NUB1: variants seen among roughly 807,000 people sequenced by gnomAD.
NUB1 encodes the protein NEDD8 ultimate buster 1.
A neutral mutation model predicts 77.1 loss-of-function variants in NUB1; 41 were observed. That is an observed-to-expected ratio of 0.53 (90% confidence interval 0.41 to 0.69). The LOEUF (loss-of-function observed/expected upper bound fraction) is 0.69. Ranked by LOEUF, NUB1 falls within the 30% of genes least tolerant of loss-of-function variation. NUB1 has a pLI of 0.00. For missense variants in NUB1, 643 were observed against 743.8 expected (o/e 0.86, Z 1.58); for synonymous variants, 257 against 281.0 (o/e 0.91, Z 0.85).
At chr7:151,356,981 T>A (rs1023305756) in intron 7 of NUB1, among the ~76,000 whole-genome samples, 1 of 152,140 alleles carries the variant, frequency 6.6e-6, no homozygotes, top group Non-Finnish European at 1.5e-5. Flanking sequence ...CCTCCCAAAC[T>A]GCTGGGATTA....
intron 8 of NUB1, among the ~76,000 whole-genome samples, chr7:151,365,906 A>G (rs764729614): frequency 9.9e-5 from 15 of 150,762 alleles, no homozygotes; most frequent in South Asian, 2.1e-4. Flanking sequence ...TTTTTATTCC[A>G]TGCATATTTT....
At chr7:151,352,245 A>G in intron 4 of NUB1, 1 of 448,774 alleles carries the variant, frequency 2.2e-6, no homozygotes, top group South Asian at 1.6e-5. Flanking sequence ...GTTCACATGG[A>G]TCTACAGCAC....
chr7:151,376,898 A>C, intron 14 of NUB1, 87 bp downstream of exon 14: 1 of 1,466,200 alleles, frequency 6.8e-7, no homozygotes, highest in Non-Finnish European at 9.1e-7. Flanking sequence ...GCAGATGTGG[A>C]GACTGAGGGG....
At chr7:151,374,846 C>T (rs1798135321) in intron 12 of NUB1, among the ~76,000 whole-genome samples, 2 of 152,140 alleles carry the variant, frequency 1.3e-5, no homozygotes, top group Admixed American at 6.5e-5. Context: ...CTCTCGGCCC[C>T]GCAGGTCAGT....
chr7:151,377,288 GC>G lies in NUB1; in HGVS notation c.*64del. The G allele has an allele frequency of 1.7e-6, 2 of 1,150,678 alleles. No individual in the cohort carries two copies. The highest frequency in any genetic ancestry group is 3.4e-5 in the South Asian group (2 of 58,974). 71.3% of individuals were successfully genotyped at this position (1,150,678 alleles called of 1,614,324 possible). ...ATGCTATCATTATGAAAAGGCTAAT[GC>G]AGCTCTTTCTGTTCTTACTTTTTAT... On this transcript the variant is annotated 3_prime_UTR_variant, in exon 15 of 15. Transcript: ENST00000568733.
At chr7:151,355,678 T>C in intron 5 of NUB1, 90 bp from the exon 6 acceptor site, 1 of 1,306,402 alleles carries the variant, frequency 7.7e-7, no homozygotes, top group Admixed American at 2.8e-5. Context: ...GTCTCAAAAA[T>C]AAAAACAATT....
chr7:151,377,246 T>G lies in NUB1; in HGVS notation c.*21T>G. 243 of 1,397,570 alleles carry G rather than the reference T, an allele frequency of 1.7e-4. No individual in the cohort carries two copies. The highest frequency in any genetic ancestry group is 2.2e-4 in the Non-Finnish European group (223 of 1,027,016). 86.6% of individuals were successfully genotyped at this position (1,397,570 alleles called of 1,614,324 possible). A position where few individuals can be genotyped will look rare whatever the true frequency, so the allele number is the denominator to read the frequency against. On this transcript the variant is annotated 3_prime_UTR_variant, in exon 15 of 15. Transcript: ENST00000568733. ...ACTAAATAATGAACAGAAATAGCGCTAATTTTCTGCTTATAAATGCTATCA... is the reference window on the plus strand; with the variant it reads ...ACTAAATAATGAACAGAAATAGCGCGAATTTTCTGCTTATAAATGCTATCA...
intron 8 of NUB1, among the ~76,000 whole-genome samples, chr7:151,365,734 CAA>C (rs1319869839): frequency 6.6e-6 from 1 of 152,172 alleles, no homozygotes; most frequent in Admixed American, 6.5e-5. Context: ...TATGTGTTCT[CAA>C]ACATTCACGA....
chr7:151,342,044 C>G, intron 1 of NUB1, 198 bp downstream of exon 1: 1 of 991,940 alleles, frequency 1.0e-6, no homozygotes, highest in African/African-American at 1.7e-5. Flanking sequence ...GACGCGCTGG[C>G]CGTTCGGGGC....
chr7:151,362,708 GAGGAGCAAGCTGCC>G (rs1336321532), intron 8 of NUB1, among the ~76,000 whole-genome samples: 1 of 152,236 alleles, frequency 6.6e-6, no homozygotes, highest in African/African-American at 2.4e-5. Flanking sequence ...AAGGAGGTGA[GAGGAGCAAGCTGCC>G]AGAGAGAGGG....
At chr7:151,368,229 G>A (rs770935477) in intron 10 of NUB1, among the ~76,000 whole-genome samples, 29 of 152,196 alleles carry the variant, frequency 1.9e-4, no homozygotes, top group Non-Finnish European at 3.5e-4. Flanking sequence ...GAGCCAGGCC[G>A]GAGCAGTGAG....
At chr7:151,368,201 A>G (rs1797782705) in intron 10 of NUB1, among the ~76,000 whole-genome samples, 1 of 152,200 alleles carries the variant, frequency 6.6e-6, no homozygotes, top group Admixed American at 6.5e-5. Flanking sequence ...TGGCTCACTC[A>G]TCTTGCCGTC....
chr7:151,362,219 A>G (rs961162010), intron 8 of NUB1, among the ~76,000 whole-genome samples: 18 of 152,150 alleles, frequency 1.2e-4, no homozygotes, highest in African/African-American at 3.9e-4. Flanking sequence ...ATAATTAACA[A>G]TGTCTTTCTA....
intron 9 of NUB1, among the ~76,000 whole-genome samples, chr7:151,367,610 G>A (rs775098941): frequency 4.6e-5 from 7 of 152,152 alleles, no homozygotes; most frequent in Non-Finnish European, 1.0e-4. Context: ...GACCAGAAGG[G>A]CCACTGTGCT....
At chr7:151,364,475 A>G (rs989518262) in intron 8 of NUB1, among the ~76,000 whole-genome samples, 9 of 151,944 alleles carry the variant, frequency 5.9e-5, no homozygotes, top group African/African-American at 9.7e-5. Context: ...TAAGACAAAC[A>G]TAATAAATTT....
intron 1 of NUB1, among the ~76,000 whole-genome samples, chr7:151,345,028 G>A (rs188099022): frequency 5.9e-5 from 9 of 152,224 alleles, no homozygotes; most frequent in South Asian, 2.1e-4. Flanking sequence ...TTCACGACTC[G>A]AGGGATTTAT....
chr7:151,351,570 G>A, intron 4 of NUB1, 88 bp downstream of exon 4: 1 of 864,202 alleles, frequency 1.2e-6, no homozygotes, highest in Non-Finnish European at 1.8e-6. Context: ...TCTTAAGATA[G>A]GTAGGGCAGG....
At chr7:151,356,011 A>G (rs1167138029) in intron 6 of NUB1, 61 bp downstream of exon 6, 5 of 1,581,262 alleles carry the variant, frequency 3.2e-6, no homozygotes, top group Non-Finnish European at 4.3e-6. Flanking sequence ...TGGATCACAC[A>G]GTTGGGGGAT....
At chr7:151,350,143 C>G (rs1584939079) in intron 3 of NUB1, among the ~76,000 whole-genome samples, 1 of 152,240 alleles carries the variant, frequency 6.6e-6, no homozygotes, top group Admixed American at 6.5e-5. Flanking sequence ...TTAATACTTT[C>G]ACTTTCTGCT....
Sources: gnomAD v4.1 joint callset for allele counts (sites outside exome capture counted in the v4.1 genomes callset) on GRCh38, gnomAD v4.1.1 for gene constraint, MANE v1.5 for transcripts, NCBI Gene and HGNC (gene_info 2026-07-23, HGNC 2026-07-21) for gene names.